MYO1F: variants seen among roughly 807,000 people sequenced by gnomAD.
The protein encoded by MYO1F is myosin IF.
In MYO1F, 60 loss-of-function variants were observed where a neutral mutation model predicts 146.6. The observed-to-expected ratio is 0.41, with a 90% CI of 0.33 to 0.51. The LOEUF (loss-of-function observed/expected upper bound fraction) is 0.51. MYO1F is among the 20% of genes least tolerant of loss of function. The pLI is 0.25. For synonymous variants in MYO1F, 602 were observed against 602.1 expected (o/e 1.00, Z 0.00); for missense variants, 1,274 against 1,534.3 (o/e 0.83, Z 2.83).
intron 14 of MYO1F, 46 bp downstream of exon 14, chr19:8,544,251 G>A (rs1311650546): frequency 2.4e-5 from 38 of 1,605,876 alleles, no homozygotes; most frequent in Non-Finnish European, 3.0e-5. Context: ...TGGAGCCCTG[G>A]GGGTCTGCGA....
At chr19:8,567,928 T>G (rs1371345839) in intron 1 of MYO1F, among the ~76,000 whole-genome samples, 1 of 152,182 alleles carries the variant, frequency 6.6e-6, no homozygotes, top group Non-Finnish European at 1.5e-5. Flanking sequence ...CCAGGCCACT[T>G]CCCCTCACTG....
At position 8,548,465 on chromosome 19, in the gene MYO1F, C is replaced by T. The variant is rs576829763; in HGVS notation, c.1102-148G>A. On this transcript the variant is annotated intron_variant, in intron 10 of 27. Coordinates refer to ENST00000644032, the MANE Select transcript of MYO1F (RefSeq NM_012335.4). ...TCCAGCCCTCTTTAGCTCTGCCCTT[C>T]CTGGCTCTGTGTACAGTCTCCCCAC... The T allele has an allele frequency of 9.5e-6, 7 of 738,630 alleles. No homozygotes were observed. The East Asian group carries it at 1.1e-4, about 11-fold the overall frequency. The allele number at this position is 738,630 out of a possible 1,614,324, so 45.8% of individuals were successfully genotyped here. A position where few individuals can be genotyped will look rare whatever the true frequency, so the allele number is the denominator to read the frequency against.
chr19:8,529,841 T>C (rs1009460891), intron 21 of MYO1F: 3 of 448,474 alleles, frequency 6.7e-6, no homozygotes, highest in African/African-American at 4.0e-5. Flanking sequence ...GGTAATGATG[T>C]ACCTGTGATG....
In MYO1F at chr19:8,553,732, CATG is replaced by C. The variant is rs376190192; in HGVS notation, c.327-298_327-296del. On this transcript the variant is annotated intron_variant, in intron 4 of 27. Coordinates refer to ENST00000644032, the MANE Select transcript of MYO1F (RefSeq NM_012335.4). ...TACTAAAATACAAAAATTAGCCGGA[CATG>C]GTGGTGGGCGCCTGTAATCCCGGCC... Among the ~76,000 whole-genome samples, 213 of 152,014 alleles carry C rather than the reference CATG, an allele frequency of 1.4e-3. 1 individual carries two copies. The highest frequency in any genetic ancestry group is 5.0e-3 in the African/African-American group (209 of 41,486).
At chr19:8,547,986 A>AACC in intron 12 of MYO1F, 50 bp downstream of exon 12, 4 of 837,530 alleles carry the variant, frequency 4.8e-6, no homozygotes, top group Middle Eastern at 3.3e-4. Context: ...TGGTCCTTCC[A>AACC]CCCCACCCCC....
Position 8,530,425 on chromosome 19 carries a change from C to T in MYO1F, c.2158+34G>A, listed in dbSNP as rs757027395. On this transcript the variant is annotated intron_variant, in intron 20 of 27. Coordinates refer to ENST00000644032, the MANE Select transcript of MYO1F (RefSeq NM_012335.4). The surrounding 1 kb of genome is among the most constrained non-coding windows in gnomAD (Gnocchi z 5.8). ...ATACAGCTCCTCCAGGTCCTTGTGC[C>T]CCCACCCCGCGCCGTTTACCCGAAG... The T allele has an allele frequency of 6.2e-7, 1 of 1,613,672 alleles. No individual in the cohort carries two copies. Among genetic ancestry groups the T allele is most frequent in the South Asian group, 1.1e-5 (1 of 91,084 alleles).
At chr19:8,557,843 A>G (rs1973923214) in intron 1 of MYO1F, among the ~76,000 whole-genome samples, 1 of 151,920 alleles carries the variant, frequency 6.6e-6, no homozygotes, top group African/African-American at 2.4e-5. Flanking sequence ...GGCCCAGGCC[A>G]GTCCCTGACT....
Position 8,522,786 on chromosome 19 carries a change from GGGGCCCCCTCTGGCAGAGGGGGGCACCCC to G in MYO1F, c.2869_2897del (p.Gly957ProfsTer46). 6.2e-7 allele frequency: 1 copy of G among 1,601,612 alleles called. No individual in the cohort carries two copies. The highest frequency in any genetic ancestry group is 8.5e-7 in the Non-Finnish European group (1 of 1,175,882). On this transcript the variant is annotated frameshift_variant, in exon 26 of 28. Coordinates refer to ENST00000644032, the MANE Select transcript of MYO1F (RefSeq NM_012335.4). LOFTEE classifies it high-confidence loss of function. ...CTCCAGACATGATCTCCAGGGGCAG[GGGGCCCCCTCTGGCAGAGGGGGGCACCCC>G]ATTGCGATCCATGCCTGTGGCAGGA...
In MYO1F at chr19:8,552,293, CTG is replaced by C. The variant is rs945407270; in HGVS notation, c.505-131_505-130del. ...TTTTTTTTTGAGACAGAATCTGACT[CTG>C]TTGCTCAGGCTGGGATTCAGTGGCG... On this transcript the variant is annotated intron_variant, in intron 6 of 27. Transcript: ENST00000644032. 5.8e-6 allele frequency: 6 copies of C among 1,035,044 alleles called. No individual in the cohort carries two copies. In the African/African-American group the frequency reaches 9.6e-5, roughly 17 times the overall value. 64.1% of individuals were successfully genotyped at this position (1,035,044 alleles called of 1,614,324 possible).
rs761172160 is a variant in MYO1F at position 8,522,339 on chromosome 19, C to A, written c.3220+38G>T. ...GCCCGGCCGATGTCAGGGTTCTTAC[C>A]ACTCCCCTCACCCCAGCTTCTGCCC... On this transcript the variant is annotated intron_variant, in intron 27 of 27. Transcript: ENST00000644032. 4.3e-6 allele frequency: 7 copies of A among 1,612,996 alleles called. No homozygotes were observed. In the Admixed American group the frequency reaches 1.0e-4, roughly 23 times the overall value.
intron 24 of MYO1F, 59 bp downstream of exon 24, chr19:8,526,394 C>G (rs1252336014): frequency 3.9e-6 from 6 of 1,543,524 alleles, no homozygotes; most frequent in Non-Finnish European, 5.2e-6. Context: ...TGGCCTTCGT[C>G]CACTCTTAAC....
chr19:8,561,420 TTCCTTTCTCCTCTCC>T (rs1568368864), intron 1 of MYO1F, among the ~76,000 whole-genome samples: 9 of 117,986 alleles, frequency 7.6e-5, no homozygotes, highest in African/African-American at 3.0e-4. Flanking sequence ...TCTCCCTCCC[TTCCTTTCTCCTCTCC>T]CTCCCTTCCT....
In MYO1F at chr19:8,546,154, T is replaced by C. The variant is rs11882389; in HGVS notation, c.1270-418A>G. 9.9e-3 allele frequency among the ~76,000 whole-genome samples: 1,352 copies of C among 137,258 alleles called. 24 individuals are homozygous for C. The highest frequency in any genetic ancestry group is 0.035 in the African/African-American group (1,286 of 36,852). 90.0% of individuals were successfully genotyped at this position (137,258 alleles called of 152,430 possible). A position where few individuals can be genotyped will look rare whatever the true frequency, so the allele number is the denominator to read the frequency against. On this transcript the variant is annotated intron_variant, in intron 12 of 27. Coordinates refer to ENST00000644032, the MANE Select transcript of MYO1F (RefSeq NM_012335.4). ...ATCTTGGCTCATCGCAACCTCCGCCTCCCGAGTTCAAGCGATTCTCCTGCC... is the reference window on the plus strand; with the variant it reads ...ATCTTGGCTCATCGCAACCTCCGCCCCCCGAGTTCAAGCGATTCTCCTGCC...
chr19:8,567,807 C>T (rs2042033197), intron 1 of MYO1F, among the ~76,000 whole-genome samples: 1 of 152,230 alleles, frequency 6.6e-6, no homozygotes, highest in Non-Finnish European at 1.5e-5. Flanking sequence ...GGGGTTGCTG[C>T]TGAGGTCAGA....
At chr19:8,554,445 C>T (rs1184255455) in intron 4 of MYO1F, 32 bp downstream of exon 4, 6 of 1,560,796 alleles carry the variant, frequency 3.8e-6, no homozygotes, top group Non-Finnish European at 5.3e-6. Flanking sequence ...GCCCGGGCAG[C>T]AGGGTCTGTG....
At chr19:8,559,284 G>A (rs1973977736) in intron 1 of MYO1F, among the ~76,000 whole-genome samples, 1 of 138,052 alleles carries the variant, frequency 7.2e-6, no homozygotes, top group South Asian at 2.3e-4. Flanking sequence ...GGCAGAAGTG[G>A]AGCCAGTCTC....
intron 4 of MYO1F, among the ~76,000 whole-genome samples, chr19:8,553,880 A>ACT (rs1973719074): frequency 1.1e-5 from 1 of 87,058 alleles, no homozygotes; most frequent in African/African-American, 5.1e-5. Context: ...ACACACACAC[A>ACT]CACACACACA....
chr19:8,550,452 A>G, intron 9 of MYO1F, 96 bp from the exon 10 acceptor site: 2 of 1,598,116 alleles, frequency 1.3e-6, no homozygotes, highest in Non-Finnish European at 1.7e-6. Flanking sequence ...GCCCAGTGAC[A>G]CCCACATTTT....
Position 8,574,563 on chromosome 19 carries a change from CTTT to C in MYO1F, c.3+2741_3+2743del, listed in dbSNP as rs1568380725. On this transcript the variant is annotated intron_variant, in intron 1 of 27. Coordinates refer to ENST00000644032, the MANE Select transcript of MYO1F (RefSeq NM_012335.4). ...TCTTTCTTTCTTTCTTTCTTTCTTT[CTTT>C]CTTTCTTTCTTTCTCTCTCTCTCTC... Among the ~76,000 whole-genome samples, 69 of 89,244 alleles carry C rather than the reference CTTT, an allele frequency of 7.7e-4. 2 individuals carry two copies. The highest frequency in any genetic ancestry group is 4.9e-3 in the Middle Eastern group (1 of 206). The allele number at this position is 89,244 out of a possible 152,430, so 58.5% of individuals were successfully genotyped here.
Sources: allele counts gnomAD v4.1 joint callset (sites outside exome capture counted in the v4.1 genomes callset), GRCh38; gene constraint gnomAD v4.1.1; non-coding constraint Gnocchi (gnomAD v3.1); transcripts MANE v1.5; gene names NCBI Gene and HGNC (gene_info 2026-07-23, HGNC 2026-07-21).